SNTG1: variants seen among roughly 807,000 people sequenced by gnomAD.
SNTG1 encodes gamma-1-syntrophin.
SNTG1 carries 39 observed loss-of-function variants against 74.7 expected under a neutral mutation model. The ratio of observed to expected loss-of-function variants is 0.52; its 90% CI spans 0.40 to 0.68. The LOEUF (loss-of-function observed/expected upper bound fraction) is 0.68, where lower values mean the gene tolerates loss of function less well. SNTG1 is among the 30% of genes least tolerant of loss of function. The pLI is 0.00. For missense variants in SNTG1, 685 were observed against 609.5 expected (o/e 1.12, Z -1.30); for synonymous variants, 254 against 217.1 (o/e 1.17, Z -1.49).
intron 1 of SNTG1, among the ~76,000 whole-genome samples, chr8:49,936,783 T>A (rs1217541787): frequency 2.0e-5 from 3 of 152,084 alleles, no homozygotes; most frequent in Non-Finnish European, 4.4e-5. Context: ...CAAGGGAACT[T>A]TTTCAAGCAA....
chr8:50,308,357 C>T (rs775115897), intron 2 of SNTG1, among the ~76,000 whole-genome samples: 194 of 152,112 alleles, frequency 1.3e-3, no homozygotes, highest in Admixed American at 2.5e-3. Flanking sequence ...CTCTCTGCTT[C>T]CTCCACTCAG....
intron 2 of SNTG1, among the ~76,000 whole-genome samples, chr8:50,196,979 C>T (rs544835037): frequency 6.6e-6 from 1 of 151,766 alleles, no homozygotes; most frequent in Admixed American, 6.6e-5. Flanking sequence ...CAGATTCTGT[C>T]TCAAAATAAA....
chr8:50,601,201 A>G (rs947637584), intron 13 of SNTG1, among the ~76,000 whole-genome samples: 2 of 142,806 alleles, frequency 1.4e-5, no homozygotes, highest in African/African-American at 5.2e-5. Context: ...TTAGGCTATT[A>G]AGCTATTTCT....
intron 1 of SNTG1, among the ~76,000 whole-genome samples, chr8:49,983,538 A>T (rs1396981472): frequency 6.6e-6 from 1 of 152,220 alleles, no homozygotes; most frequent in Non-Finnish European, 1.5e-5. Flanking sequence ...AATTTATGAG[A>T]TCACAGCTTA....
intron 2 of SNTG1, among the ~76,000 whole-genome samples, chr8:50,259,540 G>A (rs144105853): frequency 0.052 from 493 of 9,542 alleles, 92 homozygotes; most frequent in Middle Eastern, 0.1. Context: ...AAGAAAGAAA[G>A]AAAGAAAGAA....
chr8:50,587,255 T>C (rs2094656375), intron 12 of SNTG1, among the ~76,000 whole-genome samples: 1 of 151,958 alleles, frequency 6.6e-6, no homozygotes, highest in African/African-American at 2.4e-5. Context: ...CATATATATG[T>C]GTATATGTAA....
At chr8:50,316,159 A>T (rs1371494863) in intron 2 of SNTG1, among the ~76,000 whole-genome samples, 6 of 152,172 alleles carry the variant, frequency 3.9e-5, no homozygotes, top group Non-Finnish European at 8.8e-5. Flanking sequence ...CAAAACATTT[A>T]AAAACAATGA....
chr8:50,548,062 A>G (rs1015765384), intron 11 of SNTG1, among the ~76,000 whole-genome samples: 4 of 152,188 alleles, frequency 2.6e-5, no homozygotes, highest in African/African-American at 9.7e-5. Context: ...AAGAGCAACT[A>G]AGGACCTTGG....
intron 9 of SNTG1, among the ~76,000 whole-genome samples, chr8:50,512,744 C>T (rs891065926): frequency 4.6e-5 from 7 of 152,252 alleles, no homozygotes; most frequent in South Asian, 4.1e-4. Flanking sequence ...ATGTAGTTCT[C>T]GTACCTTGGT....
chr8:50,521,835 T>C (rs1209757453), intron 9 of SNTG1, among the ~76,000 whole-genome samples: 1 of 152,154 alleles, frequency 6.6e-6, no homozygotes, highest in East Asian at 1.9e-4. Flanking sequence ...AGTCACATCT[T>C]CAAGCTCTAC....
intron 2 of SNTG1, among the ~76,000 whole-genome samples, chr8:50,363,790 T>A (rs1324012769): frequency 1.3e-5 from 2 of 152,158 alleles, no homozygotes; most frequent in African/African-American, 4.8e-5. Flanking sequence ...ACAATTCCTT[T>A]GGTAAGAGAG....
chr8:50,048,228 G>T (rs1281843058), intron 1 of SNTG1, among the ~76,000 whole-genome samples: 2 of 152,064 alleles, frequency 1.3e-5, no homozygotes, highest in African/African-American at 2.4e-5. Flanking sequence ...GTTAAAGTGG[G>T]TTTTAAAAAT....
At chr8:50,435,818 C>A (rs1587621155) in intron 4 of SNTG1, among the ~76,000 whole-genome samples, 1 of 152,124 alleles carries the variant, frequency 6.6e-6, no homozygotes, top group African/African-American at 2.4e-5. Context: ...GTGGTTTCTG[C>A]TGACTCTTTA....
chr8:50,175,995 G>A (rs2082986034), intron 2 of SNTG1, among the ~76,000 whole-genome samples: 1 of 152,112 alleles, frequency 6.6e-6, no homozygotes, highest in Non-Finnish European at 1.5e-5. Flanking sequence ...TGTCACAACT[G>A]GGTACCTGCC....
intron 11 of SNTG1, among the ~76,000 whole-genome samples, chr8:50,540,166 C>G (rs1009473755): frequency 2.6e-5 from 4 of 152,156 alleles, no homozygotes; most frequent in African/African-American, 9.7e-5. Flanking sequence ...AATGAGGCCA[C>G]TCTGTCTTGG....
chr8:50,657,982 C>G (rs1004772619), intron 14 of SNTG1, among the ~76,000 whole-genome samples: 25 of 152,142 alleles, frequency 1.6e-4, no homozygotes, highest in African/African-American at 6.0e-4. Flanking sequence ...TAACTTGCTG[C>G]TGTTTTAAAT....
At chr8:50,675,526 C>T (rs993402941) in intron 15 of SNTG1, among the ~76,000 whole-genome samples, 1 of 151,940 alleles carries the variant, frequency 6.6e-6, no homozygotes, top group African/African-American at 2.4e-5. Flanking sequence ...TTTCTTCCAT[C>T]CCTTTATTCT....
At position 49,951,691 on chromosome 8, in the gene SNTG1, T is replaced by G. The variant is rs543219868; in HGVS notation, c.-103+39460T>G. Among the ~76,000 whole-genome samples, 805 of 151,332 alleles carry G rather than the reference T, an allele frequency of 5.3e-3. 10 individuals are homozygous for G. The highest frequency in any genetic ancestry group is 0.018 in the African/African-American group (762 of 41,206). On this transcript the variant is annotated intron_variant, in intron 1 of 18. Transcript: ENST00000642720. ...AGTTAGTGGGTGCAGCGCACCAGCA[T>G]GGCACATGTATACATATGTAACTAA...
chr8:50,713,380 T>C (rs1268087734), intron 17 of SNTG1, among the ~76,000 whole-genome samples: 1 of 152,218 alleles, frequency 6.6e-6, no homozygotes. Flanking sequence ...TTGTTTAAGT[T>C]CCTTGTAGAT....
Sources: allele counts gnomAD v4.1 joint callset (sites outside exome capture counted in the v4.1 genomes callset), GRCh38; gene constraint gnomAD v4.1.1; transcripts MANE v1.5; gene names NCBI Gene and HGNC (gene_info 2026-07-23, HGNC 2026-07-21).